NAALADL2: variants seen among roughly 807,000 people sequenced by gnomAD.
The protein encoded by NAALADL2 is inactive N-acetylated-alpha-linked acidic dipeptidase-like protein 2.
NAALADL2 carries 76 observed loss-of-function variants against 87.2 expected under a neutral mutation model. The observed-to-expected ratio is 0.87, with a 90% CI of 0.72 to 1.05. NAALADL2 has a LOEUF of 1.05. Among genes scored for constraint, NAALADL2 ranks in the 50% least tolerant of loss-of-function variants. The pLI, the probability that NAALADL2 is intolerant of heterozygous loss-of-function variation, is 0.00. For missense variants in NAALADL2, 1,089 were observed against 945.8 expected, an observed-to-expected ratio of 1.15 and a Z score of -1.99; for synonymous variants, 354 against 331.0, an observed-to-expected ratio of 1.07 and a Z score of -0.75.
chr3:174,848,476 G>T (rs1724884779), intron 3 of NAALADL2, among the ~76,000 whole-genome samples: 1 of 152,064 alleles, frequency 6.6e-6, no homozygotes, highest in African/African-American at 2.4e-5. Context: ...TAGGTGATGT[G>T]GTTGAATATA....
intron 11 of NAALADL2, chr3:175,718,688 T>G: frequency 1.3e-6 from 2 of 1,529,242 alleles, no homozygotes; most frequent in South Asian, 2.2e-5. Flanking sequence ...TCTTGTATTT[T>G]TATAGAGATG....
intron 1 of NAALADL2, among the ~76,000 whole-genome samples, chr3:175,078,980 A>G (rs528224096): frequency 6.6e-6 from 1 of 152,310 alleles, no homozygotes; most frequent in Admixed American, 6.5e-5. Flanking sequence ...ATAGTAACAC[A>G]ATGTTTAACT....
At chr3:175,508,688 T>G (rs1407498383) in intron 9 of NAALADL2, among the ~76,000 whole-genome samples, 2 of 152,154 alleles carry the variant, frequency 1.3e-5, no homozygotes, top group African/African-American at 4.8e-5. Flanking sequence ...TTCTTCTGAG[T>G]TTTTAACTTC....
At chr3:175,466,851 A>AGTCT in intron 7 of NAALADL2, 128 bp from the exon 8 acceptor site, 1 of 746,796 alleles carries the variant, frequency 1.3e-6, no homozygotes, top group African/African-American at 1.8e-5. Context: ...AAATTAAAGT[A>AGTCT]GTCTTAATTA....
chr3:175,793,255 CAT>C, intron 13 of NAALADL2, among the ~76,000 whole-genome samples: 1 of 149,888 alleles, frequency 6.7e-6, no homozygotes, highest in East Asian at 1.9e-4. Context: ...CAGTATATGA[CAT>C]AGAGAGGCAA....
chr3:175,573,550 C>T (rs189101295), intron 9 of NAALADL2, among the ~76,000 whole-genome samples: 3 of 152,314 alleles, frequency 2.0e-5, no homozygotes, highest in African/African-American at 4.8e-5. Flanking sequence ...CATTCAAATT[C>T]AACTTAAAAA....
intron 11 of NAALADL2, among the ~76,000 whole-genome samples, chr3:175,686,818 G>A (rs990569566): frequency 6.6e-6 from 1 of 152,136 alleles, no homozygotes; most frequent in Non-Finnish European, 1.5e-5. Flanking sequence ...TTTGAAGGAA[G>A]CCCAAGGTCA....
At chr3:175,385,596 T>A (rs1304752483) in intron 5 of NAALADL2, among the ~76,000 whole-genome samples, 1 of 152,108 alleles carries the variant, frequency 6.6e-6, no homozygotes, top group Non-Finnish European at 1.5e-5. Flanking sequence ...ATTAATCAAT[T>A]GTACATGTCA....
chr3:175,627,210 A>G (rs1230078366), intron 10 of NAALADL2, 81 bp from the exon 11 acceptor site: 26 of 1,151,188 alleles, frequency 2.3e-5, no homozygotes, highest in Non-Finnish European at 3.1e-5. Context: ...GTCCTTTTTA[A>G]TCTTTAAGGA....
intron 1 of NAALADL2, among the ~76,000 whole-genome samples, chr3:175,022,498 T>G (rs1751688391): frequency 6.6e-6 from 1 of 152,060 alleles, no homozygotes; most frequent in Non-Finnish European, 1.5e-5. Flanking sequence ...CAAGTGGGCC[T>G]TTCTTCCAAG....
chr3:175,778,294 C>G (rs904674470), intron 13 of NAALADL2, among the ~76,000 whole-genome samples: 1 of 152,104 alleles, frequency 6.6e-6, no homozygotes. Context: ...AGAGTAGTTA[C>G]AGAAAAGGGA....
chr3:174,928,797 T>A (rs1039159590), intron 1 of NAALADL2, among the ~76,000 whole-genome samples: 1 of 152,174 alleles, frequency 6.6e-6, no homozygotes, highest in Non-Finnish European at 1.5e-5. Flanking sequence ...AAGTGTGTAT[T>A]TCATTGGTGA....
At chr3:174,974,111 G>T (rs913878924) in intron 1 of NAALADL2, among the ~76,000 whole-genome samples, 3 of 152,190 alleles carry the variant, frequency 2.0e-5, no homozygotes, top group African/African-American at 4.8e-5. Context: ...ATTGCTTTAA[G>T]AGCATAGCAA....
chr3:175,667,358 G>T (rs111374264), intron 11 of NAALADL2, among the ~76,000 whole-genome samples: 2,182 of 152,182 alleles, frequency 0.014, 52 homozygotes, highest in African/African-American at 0.049. Flanking sequence ...CTCAGATATT[G>T]CAGAGGATGA....
chr3:174,485,907 TG>T (rs1375525442), intron 1 of NAALADL2, among the ~76,000 whole-genome samples: 2 of 152,054 alleles, frequency 1.3e-5, no homozygotes, highest in Non-Finnish European at 2.9e-5. Context: ...AGTTGATTTT[TG>T]TATATGATTT....
intron 2 of NAALADL2, among the ~76,000 whole-genome samples, chr3:174,619,928 T>C (rs572234376): frequency 1.3e-5 from 2 of 152,130 alleles, no homozygotes; most frequent in East Asian, 3.9e-4. Context: ...ACATGCATTT[T>C]TCATTTAATT....
At chr3:175,159,088 C>T (rs1356724061) in intron 2 of NAALADL2, among the ~76,000 whole-genome samples, 1 of 152,036 alleles carries the variant, frequency 6.6e-6, no homozygotes, top group African/African-American at 2.4e-5. Flanking sequence ...TGGATTCCAA[C>T]AAAAGCATAT....
chr3:174,496,446 A>G (rs1215606203), intron 1 of NAALADL2, among the ~76,000 whole-genome samples: 5 of 150,936 alleles, frequency 3.3e-5, no homozygotes, highest in African/African-American at 4.9e-5. Flanking sequence ...TGTTAAAGAT[A>G]TGTATTCATT....
At chr3:174,794,455 T>G (rs568999695) in intron 3 of NAALADL2, among the ~76,000 whole-genome samples, 5 of 151,738 alleles carry the variant, frequency 3.3e-5, no homozygotes, top group African/African-American at 9.6e-5. Flanking sequence ...AGAAAAAAAT[T>G]AAGAATAAAA....
Sources: allele counts gnomAD v4.1 joint callset (sites outside exome capture counted in the v4.1 genomes callset), GRCh38; gene constraint gnomAD v4.1.1; transcripts MANE v1.5; gene names NCBI Gene and HGNC (gene_info 2026-07-23, HGNC 2026-07-21).